The following GRID1 variants were observed in gnomAD, a reference collection of about 807,000 sequenced individuals.
GRID1 encodes the protein glutamate ionotropic receptor delta type subunit 1, also known as glutamate receptor ionotropic, delta-1.
Under a neutral mutation model 98.0 loss-of-function variants are expected in GRID1, and 28 were observed. The ratio of observed to expected loss-of-function variants is 0.29; its 90% CI spans 0.21 to 0.39. The LOEUF is 0.39. Ranked by LOEUF, GRID1 falls within the 10% of genes least tolerant of loss-of-function variation. The pLI, the probability that GRID1 is intolerant of heterozygous loss-of-function variation, is 1.00. For missense variants in GRID1, 1,111 were observed against 1,340.5 expected, an observed-to-expected ratio of 0.83 and a Z score of 2.67; for synonymous variants, 553 against 538.5, an observed-to-expected ratio of 1.03 and a Z score of -0.37.
intron 4 of GRID1, among the ~76,000 whole-genome samples, chr10:85,918,166 A>G (rs941397495): frequency 6.6e-6 from 1 of 152,206 alleles, no homozygotes; most frequent in South Asian, 2.1e-4. Context: ...GCAAATCTGG[A>G]GGATGTCATA....
intron 3 of GRID1, among the ~76,000 whole-genome samples, chr10:86,177,400 A>T (rs1382965887): frequency 1.3e-5 from 2 of 151,934 alleles, no homozygotes; most frequent in Middle Eastern, 3.2e-3. Flanking sequence ...GAGAGATCCC[A>T]GTGTGTGCAT....
chr10:85,819,210 C>A (rs965382981), intron 8 of GRID1, among the ~76,000 whole-genome samples: 1 of 152,162 alleles, frequency 6.6e-6, no homozygotes, highest in Non-Finnish European at 1.5e-5. Flanking sequence ...ACAACAGCAA[C>A]AATTGCTGCA....
chr10:86,258,063 T>C (rs370402947), intron 2 of GRID1, among the ~76,000 whole-genome samples: 5 of 152,232 alleles, frequency 3.3e-5, no homozygotes, highest in East Asian at 1.9e-4. Flanking sequence ...CCAGTGAGGC[T>C]TCTAAACCCC....
At chr10:85,927,522 A>AT (rs972341992) in intron 4 of GRID1, among the ~76,000 whole-genome samples, 2 of 152,054 alleles carry the variant, frequency 1.3e-5, no homozygotes, top group East Asian at 3.9e-4. Context: ...AAAAAAAAAA[A>AT]AAATCTGTGG....
chr10:85,629,818 C>T (rs184130604), intron 13 of GRID1, among the ~76,000 whole-genome samples: 110 of 152,312 alleles, frequency 7.2e-4, no homozygotes, highest in African/African-American at 2.4e-3. Context: ...GTAATTTACA[C>T]TCCCACCAGC....
chr10:85,645,213 C>T (rs1843171683), intron 13 of GRID1, among the ~76,000 whole-genome samples: 1 of 151,900 alleles, frequency 6.6e-6, no homozygotes, highest in African/African-American at 2.4e-5. Context: ...TCTTAAGACC[C>T]TGTGTGGATG....
intron 12 of GRID1, among the ~76,000 whole-genome samples, chr10:85,697,518 C>A (rs974593459): frequency 2.0e-5 from 3 of 152,152 alleles, no homozygotes; most frequent in Admixed American, 6.5e-5. Flanking sequence ...AAAATGCTTA[C>A]ATACAGCATA....
At chr10:86,007,853 T>TA (rs1842882054) in intron 4 of GRID1, among the ~76,000 whole-genome samples, 2 of 151,234 alleles carry the variant, frequency 1.3e-5, no homozygotes, top group African/African-American at 2.4e-5. Context: ...TTTATTTATT[T>TA]TTGGTTAGGG....
chr10:85,914,197 CA>C (rs1325468377), intron 5 of GRID1, among the ~76,000 whole-genome samples: 3 of 152,154 alleles, frequency 2.0e-5, no homozygotes, highest in Admixed American at 1.3e-4. Context: ...GAGGGACAGA[CA>C]GGGGGCCCCT....
At chr10:86,284,199 TACAC>T (rs1343076497) in intron 2 of GRID1, among the ~76,000 whole-genome samples, 1 of 151,080 alleles carries the variant, frequency 6.6e-6, no homozygotes, top group African/African-American at 2.4e-5. Context: ...CCTGCCCTCA[TACAC>T]ACACCTGCAT....
chr10:85,653,750 G>T (rs1255833417), intron 12 of GRID1, among the ~76,000 whole-genome samples: 2 of 152,150 alleles, frequency 1.3e-5, no homozygotes, highest in African/African-American at 4.8e-5. Flanking sequence ...ATTTTTATAA[G>T]GAGAAGAAGA....
chr10:85,909,249 C>G lies in GRID1; in HGVS notation c.780+6937G>C, dbSNP rs747489336. Reference sequence around the variant, plus strand: ...ATCAACATCACAGTGAGGACCATTACACACCCATCAGAGTGACTATAATCA... The same window carrying G: ...ATCAACATCACAGTGAGGACCATTAGACACCCATCAGAGTGACTATAATCA... On this transcript the variant is annotated intron_variant, in intron 5 of 15. Transcript: ENST00000327946. Among the ~76,000 whole-genome samples, 14 of 152,158 alleles carry G rather than the reference C, an allele frequency of 9.2e-5. 1 individual carries two copies. The highest frequency in any genetic ancestry group is 1.8e-4 in the Non-Finnish European group (12 of 68,026).
intron 2 of GRID1, among the ~76,000 whole-genome samples, chr10:86,239,006 C>T (rs1433025392): frequency 6.6e-6 from 1 of 152,158 alleles, no homozygotes; most frequent in African/African-American, 2.4e-5. Flanking sequence ...CTCCAGACCC[C>T]AGAATGGTAG....
intron 3 of GRID1, among the ~76,000 whole-genome samples, chr10:86,190,626 T>G (rs865880747): frequency 1.3e-5 from 2 of 152,204 alleles, no homozygotes; most frequent in African/African-American, 4.8e-5. Flanking sequence ...GGCTCTCCCT[T>G]CCCTGCACAA....
chr10:86,319,376 G>T (rs1337697147), intron 2 of GRID1, among the ~76,000 whole-genome samples: 1 of 152,174 alleles, frequency 6.6e-6, no homozygotes, highest in Non-Finnish European at 1.5e-5. Context: ...ACAACCTAGG[G>T]GTGTTACAGT....
chr10:86,283,610 G>C (rs949275229), intron 2 of GRID1, among the ~76,000 whole-genome samples: 1 of 149,058 alleles, frequency 6.7e-6, no homozygotes, highest in Non-Finnish European at 1.5e-5. Context: ...TGCAAATAAG[G>C]TGTGTACCTG....
At chr10:86,073,389 G>A (rs1843832021) in intron 4 of GRID1, among the ~76,000 whole-genome samples, 1 of 152,226 alleles carries the variant, frequency 6.6e-6, no homozygotes, top group Non-Finnish European at 1.5e-5. Context: ...CTTCATCTGT[G>A]TGCTGGGAGA....
At chr10:85,848,461 T>A (rs925430096) in intron 8 of GRID1, among the ~76,000 whole-genome samples, 8 of 152,002 alleles carry the variant, frequency 5.3e-5, no homozygotes, top group African/African-American at 1.7e-4. Context: ...ACTGAAAAAA[T>A]CATAGTTGTA....
intron 4 of GRID1, among the ~76,000 whole-genome samples, chr10:86,103,168 A>G (rs1844324634): frequency 6.6e-6 from 1 of 152,158 alleles, no homozygotes; most frequent in Non-Finnish European, 1.5e-5. Flanking sequence ...CAAAGTCAGC[A>G]TGGGCAAGCA....
Sources: allele counts gnomAD v4.1 joint callset (sites outside exome capture counted in the v4.1 genomes callset), GRCh38; gene constraint gnomAD v4.1.1; transcripts MANE v1.5; gene names NCBI Gene and HGNC (gene_info 2026-07-23, HGNC 2026-07-21).